The following UVRAG variants were observed in gnomAD, a reference collection of about 807,000 sequenced individuals.
The protein encoded by UVRAG is UV radiation resistance associated, also known as UV radiation resistance-associated gene protein.
A neutral mutation model predicts 78.0 loss-of-function variants in UVRAG; 19 were observed. The ratio of observed to expected loss-of-function variants is 0.24; its 90% CI spans 0.17 to 0.36. The LOEUF (loss-of-function observed/expected upper bound fraction) is 0.36, where lower values mean the gene tolerates loss of function less well. Among genes scored for constraint, UVRAG ranks in the 10% least tolerant of loss-of-function variants. The pLI, the probability that UVRAG is intolerant of heterozygous loss-of-function variation, is 1.00. For synonymous variants in UVRAG, 323 were observed against 324.6 expected (o/e 1.00, Z 0.05); for missense variants, 740 against 853.8 (o/e 0.87, Z 1.66).
At chr11:75,947,746 G>A (rs898990192) in intron 6 of UVRAG, among the ~76,000 whole-genome samples, 54 of 152,182 alleles carry the variant, frequency 3.5e-4, no homozygotes, top group African/African-American at 1.1e-3. Context: ...AACAAACCTG[G>A]GTTTAAATAG....
chr11:75,999,379 T>A (rs1949767473), intron 8 of UVRAG, among the ~76,000 whole-genome samples: 1 of 146,392 alleles, frequency 6.8e-6, no homozygotes, highest in Non-Finnish European at 1.6e-5. Context: ...TGTTTTTTTG[T>A]TTGTTTATTT....
chr11:75,910,665 C>T (rs1947715783), intron 5 of UVRAG, among the ~76,000 whole-genome samples: 2 of 151,752 alleles, frequency 1.3e-5, no homozygotes, highest in South Asian at 4.2e-4. Flanking sequence ...AGGGGAATTG[C>T]AATAGGGAAA....
chr11:76,109,450 A>G (rs1952031821), intron 13 of UVRAG, among the ~76,000 whole-genome samples: 1 of 152,206 alleles, frequency 6.6e-6, no homozygotes, highest in African/African-American at 2.4e-5. Flanking sequence ...GGCCTCAGGA[A>G]CTTCTATTCT....
intron 12 of UVRAG, among the ~76,000 whole-genome samples, chr11:76,020,104 T>C (rs1040107827): frequency 6.6e-6 from 1 of 152,170 alleles, no homozygotes; most frequent in Non-Finnish European, 1.5e-5. Context: ...TCTCTTCACT[T>C]GGCCACCATC....
rs748821928 is a variant in UVRAG, at chr11:76,141,270, A to G, written c.1957A>G (p.Asn653Asp). 6 of 1,614,130 alleles carry G rather than the reference A, an allele frequency of 3.7e-6. No homozygotes were observed. The African/African-American group carries it at 8.0e-5, about 22-fold the overall frequency. ...FASGDQLEAF[N>D]CIPVDSAVAV... ...CTCAGGTGATCAGCTAGAAGCATTT[A>G]ACTGCATCCCAGTGGACAGTGCTGT... The change falls in exon 15 of 15, where the codon AAC (asparagine) becomes GAC (aspartate). Residue 653 changes from asparagine to aspartate, a missense_variant. By Grantham distance (23) the Asn-to-Asp change is conservative. Transcript: ENST00000356136.
At chr11:75,963,697 A>G (rs751538427) in intron 7 of UVRAG, among the ~76,000 whole-genome samples, 2 of 152,256 alleles carry the variant, frequency 1.3e-5, no homozygotes, top group Non-Finnish European at 2.9e-5. Context: ...TTGGGTTCAT[A>G]GTTGGTGACT....
intron 8 of UVRAG, among the ~76,000 whole-genome samples, chr11:75,989,066 T>G (rs761276506): frequency 6.6e-6 from 1 of 152,176 alleles, no homozygotes; most frequent in Admixed American, 6.5e-5. Context: ...ACTTTATTCT[T>G]TTCCTTTTTT....
At chr11:76,048,701 T>A (rs1156399444) in intron 12 of UVRAG, among the ~76,000 whole-genome samples, 1 of 152,242 alleles carries the variant, frequency 6.6e-6, no homozygotes, top group Admixed American at 6.5e-5. Context: ...ATAATGCAAT[T>A]CCTAGACAGC....
intron 6 of UVRAG, among the ~76,000 whole-genome samples, chr11:75,949,756 T>C (rs1019495264): frequency 3.3e-5 from 5 of 149,290 alleles, no homozygotes; most frequent in Non-Finnish European, 5.9e-5. Flanking sequence ...TATACACACA[T>C]ATGTATACAT....
intron 6 of UVRAG, chr11:75,942,161 A>C (rs2135139349): frequency 6.5e-6 from 1 of 152,834 alleles, no homozygotes; most frequent in Admixed American, 6.5e-5. Context: ...ATTCCTGGTA[A>C]ACTTCAATCC....
chr11:76,047,845 G>A (rs1299535028), intron 12 of UVRAG, among the ~76,000 whole-genome samples: 2 of 152,190 alleles, frequency 1.3e-5, no homozygotes, highest in Non-Finnish European at 2.9e-5. Context: ...TATGGTGTGT[G>A]TACATGTGTA....
intron 12 of UVRAG, among the ~76,000 whole-genome samples, chr11:76,030,800 T>G (rs950598008): frequency 6.6e-6 from 1 of 152,224 alleles, no homozygotes; most frequent in Non-Finnish European, 1.5e-5. Context: ...TCCCATAGTT[T>G]GGTAAACTGT....
At chr11:76,033,078 A>G (rs1473585726) in intron 12 of UVRAG, among the ~76,000 whole-genome samples, 3 of 152,214 alleles carry the variant, frequency 2.0e-5, no homozygotes, top group Admixed American at 2.0e-4. Context: ...AGTTTCTTCC[A>G]CATGTAACTA....
At chr11:75,844,565 A>G (rs1945993317) in intron 1 of UVRAG, among the ~76,000 whole-genome samples, 1 of 152,134 alleles carries the variant, frequency 6.6e-6, no homozygotes, top group Non-Finnish European at 1.5e-5. Flanking sequence ...TTAAGAAGAA[A>G]AACAGCTATT....
At chr11:76,022,975 A>G (rs759473307) in intron 12 of UVRAG, among the ~76,000 whole-genome samples, 3 of 152,048 alleles carry the variant, frequency 2.0e-5, no homozygotes, top group Non-Finnish European at 4.4e-5. Flanking sequence ...AACACCCTAC[A>G]TTTATAACAT....
intron 4 of UVRAG, among the ~76,000 whole-genome samples, chr11:75,886,459 C>G (rs1237240578): frequency 6.6e-6 from 1 of 151,776 alleles, no homozygotes; most frequent in Non-Finnish European, 1.5e-5. Flanking sequence ...TCTTTTTTTC[C>G]CCAGGTATAT....
intron 6 of UVRAG, among the ~76,000 whole-genome samples, chr11:75,952,390 C>G (rs1591056912): frequency 1.3e-5 from 2 of 150,904 alleles, no homozygotes; most frequent in Non-Finnish European, 3.0e-5. Context: ...AGATTTTTTT[C>G]TATAAACCTT....
At chr11:75,969,516 A>G (rs1465709790) in intron 7 of UVRAG, among the ~76,000 whole-genome samples, 1 of 152,106 alleles carries the variant, frequency 6.6e-6, no homozygotes, top group Non-Finnish European at 1.5e-5. Context: ...GAAAGTAGAG[A>G]CCATTTCTCA....
intron 13 of UVRAG, among the ~76,000 whole-genome samples, chr11:76,091,665 T>C (rs1202773760): frequency 6.6e-6 from 1 of 152,118 alleles, no homozygotes; most frequent in Non-Finnish European, 1.5e-5. Context: ...TTTCTAAGAG[T>C]TCTTTTTCTC....
Sources: allele counts gnomAD v4.1 joint callset (sites outside exome capture counted in the v4.1 genomes callset), GRCh38; gene constraint gnomAD v4.1.1; transcripts MANE v1.5; gene names NCBI Gene and HGNC (gene_info 2026-07-23, HGNC 2026-07-21).